The following NBR1 variants were observed in gnomAD, a reference collection of about 807,000 sequenced individuals.
The protein encoded by NBR1 is next to BRCA1 gene 1 protein.
In NBR1, 59 loss-of-function variants were observed where a neutral mutation model predicts 115.5. The ratio of observed to expected loss-of-function variants is 0.51; its 90% CI spans 0.41 to 0.63. The LOEUF (loss-of-function observed/expected upper bound fraction) is 0.63, where lower values mean the gene tolerates loss of function less well. NBR1 is among the 30% of genes least tolerant of loss of function. The probability of loss-of-function intolerance (pLI) is 0.00; values close to 1 mark genes in which losing one functional copy is unlikely to be tolerated. For missense variants in NBR1, 1,043 were observed against 1,150.5 expected (o/e 0.91, Z 1.35); for synonymous variants, 373 against 414.7 (o/e 0.90, Z 1.22).
intron 17 of NBR1, 108 bp from the exon 18 acceptor site, chr17:43,201,578 G>C: frequency 2.9e-6 from 2 of 680,062 alleles, no homozygotes; most frequent in Non-Finnish European, 5.3e-6. Flanking sequence ...GATCAGAAAT[G>C]TGAAGCCTCT....
Position 43,194,349 on chromosome 17 carries a change from G to C in NBR1, c.1525-1G>C, listed in dbSNP as rs777667512. 7.4e-6 allele frequency: 12 copies of C among 1,612,340 alleles called. No homozygotes were observed. The East Asian group carries it at 2.5e-4, about 33-fold the overall frequency. On this transcript the variant is annotated splice_acceptor_variant, in intron 12 of 20. Transcript: ENST00000590996. LOFTEE classifies it high-confidence loss of function. ...TTTGTCTCAATGGTTTGTCTCTATA[G>C]GAAACTTTTCTTCTGGCTAAAGAAG...
chr17:43,180,799 A>C lies in NBR1; in HGVS notation c.189A>C (p.Glu63Asp). The C allele has an allele frequency of 6.9e-7, 1 of 1,456,768 alleles. No individual in the cohort carries two copies. Among genetic ancestry groups the C allele is most frequent in the Non-Finnish European group, 9.1e-7 (1 of 1,096,556 alleles). 90.2% of individuals were successfully genotyped at this position (1,456,768 alleles called of 1,614,324 possible). Residue 63 changes from glutamate (E) to aspartate (D), a missense_variant, in exon 5 of 21, where the codon GAA becomes GAC. Physicochemically the swap from Glu to Asp is conservative, Grantham distance 45. Coordinates refer to ENST00000590996, the MANE Select transcript of NBR1 (RefSeq NM_005899.5). Reference sequence around the variant, plus strand: ...GTATATTTTTTGTTCTTTTAGGAGAATATGAAGAAGCGCTTAAGGTAATGA... The same window carrying C: ...GTATATTTTTTGTTCTTTTAGGAGACTATGAAGAAGCGCTTAAGGTAATGA... ...NEEVSINSQG[E>D]YEEALKMAVK... is the part of the protein sequence containing the mutation.
At chr17:43,182,075 G>A (rs1293794152) in intron 5 of NBR1, among the ~76,000 whole-genome samples, 1 of 151,180 alleles carries the variant, frequency 6.6e-6, no homozygotes. Flanking sequence ...GGCCAGCCTT[G>A]AACTGCTGGG....
At chr17:43,177,288 A>AG (rs56938838) in intron 2 of NBR1, among the ~76,000 whole-genome samples, 1 of 146,198 alleles carries the variant, frequency 6.8e-6, no homozygotes, top group Non-Finnish European at 1.5e-5. Flanking sequence ...AAAAAAAAAA[A>AG]GATATTTTTC....
Position 43,200,282 on chromosome 17 carries a change from G to T in NBR1, c.2142G>T (p.Glu714Asp), listed in dbSNP as rs1292933415. The T allele has an allele frequency of 1.9e-6, 3 of 1,551,908 alleles. No homozygotes were observed. The highest frequency in any genetic ancestry group is 2.6e-6 in the Non-Finnish European group (3 of 1,146,976). Reference protein sequence around the residue: ...EEEDEEDEEEEDELKDEVQSQ... With the variant: ...EEEDEEDEEEDDELKDEVQSQ... ...AGGATGAGGAGGATGAGGAGGAGGA[G>T]GATGAGCTCAAAGATGAAGTTCAAA... is the stretch of plus-strand genomic sequence containing the variant. The change falls in exon 17 of 21, where the codon GAG becomes GAT. Residue 714 changes from glutamate to aspartate, a missense_variant. Transcript: ENST00000590996.
rs369015680 is a variant in NBR1, at chr17:43,202,700, A to G, written c.2609A>G (p.Tyr870Cys). ...SGLVNSRQKS[Y>C]DHSRHHHGSS... The stretch of plus-strand genomic sequence containing the variant: ...CTTGTAAACAGCAGACAGAAGAGCT[A>G]TGACCACTCAAGGTAACAACCTTGT... Residue 870 changes from tyrosine (Y) to cysteine (C), a missense_variant, in exon 19 of 21, where the codon TAT becomes TGT. Physicochemically the swap from Tyr to Cys is radical, Grantham distance 194 (BLOSUM62 -2). Coordinates refer to ENST00000590996, the MANE Select transcript of NBR1 (RefSeq NM_005899.5). The G allele has an allele frequency of 4.8e-5, 75 of 1,573,970 alleles. No homozygotes were observed. Among genetic ancestry groups the G allele is most frequent in the African/African-American group, 8.1e-5 (6 of 74,250 alleles).
chr17:43,177,615 A>G (rs1020462119), intron 2 of NBR1, among the ~76,000 whole-genome samples: 3 of 139,962 alleles, frequency 2.1e-5, no homozygotes, highest in Non-Finnish European at 3.2e-5. Flanking sequence ...ACACACACAC[A>G]CACACAGTTT....
rs2056926444 is a variant in NBR1, at chr17:43,190,758, C to T, written c.845C>T (p.Ala282Val). ...AAGTACTCTACTCCTCGTCTTCCTG[C>T]TGCTCTGGAACAAGTCAGGTAAAAC... ...HSKYSTPRLP[A>V]ALEQVRLQKQ... The change falls in exon 9 of 21, where the codon GCT becomes GTT. Residue 282 changes from alanine to valine, a missense_variant. Transcript: ENST00000590996. The T allele has an allele frequency of 1.2e-6, 2 of 1,606,076 alleles. No individual in the cohort carries two copies. The highest frequency in any genetic ancestry group is 1.7e-6 in the Non-Finnish European group (2 of 1,174,866).
In NBR1 at chr17:43,210,032, T is replaced by G. The variant is rs2057390181; in HGVS notation, c.2859T>G (p.Leu953=). The G allele has an allele frequency of 1.9e-6, 3 of 1,613,118 alleles. No homozygotes were observed. The African/African-American group carries it at 4.0e-5, about 22-fold the overall frequency. ...NYNILQVVTE[L]LQLNNNDWYS... ...ATATCCTGCAGGTTGTGACAGAACT[T>G]CTTCAGTTAAACAACAACGACTGGT... is the stretch of plus-strand genomic sequence containing the variant. The change falls in exon 21 of 21, where the codon CTT becomes CTG. Residue 953 remains leucine, a synonymous_variant. Coordinates refer to ENST00000590996, the MANE Select transcript of NBR1 (RefSeq NM_005899.5).
chr17:43,186,392 T>C lies in NBR1; in HGVS notation c.350T>C (p.Leu117Pro), dbSNP rs1170270914. 6.2e-7 allele frequency: 1 copy of C among 1,601,396 alleles called. No homozygotes were observed. The highest frequency in any genetic ancestry group is 8.5e-7 in the Non-Finnish European group (1 of 1,174,736). ...AAGCCACTTGCACATTACTCTTCAC[T>C]GGTGAGAGTCTTGGGATCAGACATG... is the stretch of plus-strand genomic sequence containing the variant. ...GKKPLAHYSS[L>P]VRVLGSDMKT... Residue 117 changes from leucine to proline, a missense_variant, in exon 6 of 21, where the codon CTG (leucine) becomes CCG (proline). Leu to Pro is a moderately conservative substitution (Grantham distance 98). Transcript: ENST00000590996.
Position 43,193,443 on chromosome 17 carries a change from T to C in NBR1, c.1329T>C (p.Ser443=). The change falls in exon 12 of 21, where the codon TCT becomes TCC. Residue 443 remains serine, a synonymous_variant. Transcript: ENST00000590996. ...AGGCCGGCCATGTGGGAGTTGTATC[T>C]GTGGAGTTCATTGCCCCAGCCTTGG... ...CLKAGHVGVV[S]VEFIAPALEG... is the part of the protein sequence containing the mutation. 2 of 1,614,010 alleles carry C rather than the reference T, an allele frequency of 1.2e-6. No individual in the cohort carries two copies. The highest frequency in any genetic ancestry group is 8.5e-7 in the Non-Finnish European group (1 of 1,179,890).
intron 12 of NBR1, among the ~76,000 whole-genome samples, chr17:43,194,108 A>G (rs1167322521): frequency 6.6e-6 from 1 of 152,150 alleles, no homozygotes; most frequent in Non-Finnish European, 1.5e-5. Context: ...AAGTTATCCA[A>G]TGTTAATTTT....
intron 12 of NBR1, 84 bp from the exon 13 acceptor site, chr17:43,194,266 G>A (rs4793217): frequency 0.34 from 426,137 of 1,264,134 alleles, 74,276 homozygotes; most frequent in South Asian, 0.5. Context: ...GTACAGCAGC[G>A]TTTTTATTTT....
At chr17:43,182,798 C>G (rs1185169065) in intron 5 of NBR1, among the ~76,000 whole-genome samples, 1 of 151,522 alleles carries the variant, frequency 6.6e-6, no homozygotes, top group Non-Finnish European at 1.5e-5. Flanking sequence ...GAGTCTCGCC[C>G]TGTTGCTCAT....
At position 43,193,264 on chromosome 17, in the gene NBR1, C is replaced by G. The variant is rs761430435; in HGVS notation, c.1233+11C>G. 2.5e-6 allele frequency: 4 copies of G among 1,613,530 alleles called. No individual in the cohort carries two copies. In the East Asian group the frequency reaches 8.9e-5, roughly 36 times the overall value. ...AGTGCAGACACAAAGGTAATTTTTC[C>G]CACAAAATGCAAAGATGAGGTGATT... is the stretch of plus-strand genomic sequence containing the variant. On this transcript the variant is annotated intron_variant, in intron 11 of 20. Transcript: ENST00000590996.
chr17:43,202,129 G>A (rs946689687), intron 18 of NBR1, among the ~76,000 whole-genome samples: 2 of 145,124 alleles, frequency 1.4e-5, no homozygotes, highest in African/African-American at 2.5e-5. Flanking sequence ...GGAGTGAGCC[G>A]AGATCGCACC....
chr17:43,172,197 G>A (rs1195424258), intron 1 of NBR1, among the ~76,000 whole-genome samples: 3 of 152,168 alleles, frequency 2.0e-5, no homozygotes, highest in African/African-American at 4.8e-5. Context: ...AGACCTAAGG[G>A]GCAGATAGGG....
At position 43,184,372 on chromosome 17, in the gene NBR1, C is replaced by CTTTTTTTTTTTTTTTTTTTT. The variant is rs71160024; in HGVS notation, c.208-1867_208-1866insTTTTTTTTTTTTTTTTTTTT. On this transcript the variant is annotated intron_variant, in intron 5 of 20. Coordinates refer to ENST00000590996, the MANE Select transcript of NBR1 (RefSeq NM_005899.5). Reference sequence around the variant, plus strand: ...CCTCTCATCGCCCCAAAATACTATTCTTTTTTTTTTTGAGACAGAGTCTCA... The same window carrying CTTTTTTTTTTTTTTTTTTTT: ...CCTCTCATCGCCCCAAAATACTATTCTTTTTTTTTTTTTTTTTTTTTTTTTTTTTTTGAGACAGAGTCTCA... Among the ~76,000 whole-genome samples the CTTTTTTTTTTTTTTTTTTTT allele has an allele frequency of 2.2e-3, 209 of 96,172 alleles. 25 individuals carry two copies. The highest frequency in any genetic ancestry group is 2.9e-3 in the Non-Finnish European group (138 of 47,944). The allele number at this position is 96,172 out of a possible 152,430, so 63.1% of individuals were successfully genotyped here.
chr17:43,200,918 G>GAGTGC (rs1181856158), intron 17 of NBR1, among the ~76,000 whole-genome samples: 2 of 149,234 alleles, frequency 1.3e-5, no homozygotes, highest in Non-Finnish European at 3.0e-5. Flanking sequence ...GCCCAGGCTG[G>GAGTGC]AGTGCAGTGG....
Sources: gnomAD v4.1 joint callset for allele counts (sites outside exome capture counted in the v4.1 genomes callset) on GRCh38, gnomAD v4.1.1 for gene constraint, MANE v1.5 for transcripts, NCBI Gene and HGNC (gene_info 2026-07-23, HGNC 2026-07-21) for gene names.